Variants in MLPH observed in about 807,000 individuals in gnomAD.
MLPH encodes the protein melanophilin.
In MLPH, 51 loss-of-function variants were observed where a neutral mutation model predicts 72.1. The observed-to-expected ratio is 0.71, with a 90% CI of 0.56 to 0.89. The LOEUF is 0.89. Among genes scored for constraint, MLPH ranks in the 40% least tolerant of loss-of-function variants. The pLI is 0.00. For synonymous variants in MLPH, 301 were observed against 310.1 expected, an observed-to-expected ratio of 0.97 and a Z score of 0.31; for missense variants, 743 against 759.9, an observed-to-expected ratio of 0.98 and a Z score of 0.26.
chr2:237,553,737 C>T lies in MLPH; in HGVS notation c.*145C>T, dbSNP rs533460585. On this transcript the variant is annotated 3_prime_UTR_variant, in exon 16 of 16. Transcript: ENST00000264605. ...AAGGAGCACCCTCCACATGGACTCC[C>T]ACCTGCAAGTGGACAGCGACATTCA... The T allele has an allele frequency of 2.2e-5, 25 of 1,117,534 alleles. No homozygotes were observed. The highest frequency in any genetic ancestry group is 5.1e-5 in the Admixed American group (3 of 59,272). The allele number at this position is 1,117,534 out of a possible 1,614,324, so 69.2% of individuals were successfully genotyped here.
intron 8 of MLPH, among the ~76,000 whole-genome samples, chr2:237,531,115 C>A (rs1268470906): frequency 6.6e-6 from 1 of 152,142 alleles, no homozygotes; most frequent in Admixed American, 6.5e-5. Flanking sequence ...AGTCTTATAC[C>A]CTGGGAAACT....
intron 2 of MLPH, among the ~76,000 whole-genome samples, chr2:237,504,494 A>C (rs767399888): frequency 2.6e-5 from 4 of 152,234 alleles, no homozygotes; most frequent in Non-Finnish European, 5.9e-5. Context: ...CTGGGATTAC[A>C]GGTGTGAGCC....
chr2:237,487,491 G>T (rs775850998), intron 1 of MLPH, 54 bp downstream of exon 1: 5 of 152,956 alleles, frequency 3.3e-5, no homozygotes, highest in African/African-American at 7.2e-5. Context: ...CCAGGACTCG[G>T]GGCTTAGGCT....
chr2:237,549,073 AT>A, intron 13 of MLPH, 147 bp from the exon 14 acceptor site: 1 of 708,314 alleles, frequency 1.4e-6, no homozygotes, highest in Non-Finnish European at 2.5e-6. Flanking sequence ...CCATTCTCAT[AT>A]TGCTAAAAGT....
intron 8 of MLPH, among the ~76,000 whole-genome samples, chr2:237,528,260 A>C (rs2080345867): frequency 6.6e-6 from 1 of 152,170 alleles, no homozygotes; most frequent in African/African-American, 2.4e-5. Context: ...TAAAAGGGTA[A>C]ATTTTTATAT....
chr2:237,527,249 AG>A, intron 7 of MLPH, 127 bp from the exon 8 acceptor site: 1 of 1,175,230 alleles, frequency 8.5e-7, no homozygotes, highest in Non-Finnish European at 1.3e-6. Flanking sequence ...TTGGAACCTC[AG>A]CCCTGTAACA....
chr2:237,498,979 T>C (rs1355047528), intron 2 of MLPH, among the ~76,000 whole-genome samples: 1 of 152,122 alleles, frequency 6.6e-6, no homozygotes, highest in African/African-American at 2.4e-5. Context: ...TGGGTGTAAC[T>C]TTCCCCACAC....
At chr2:237,519,859 T>A in intron 5 of MLPH, 51 bp from the exon 6 acceptor site, 1 of 1,613,450 alleles carries the variant, frequency 6.2e-7, no homozygotes, top group African/African-American at 1.3e-5. Context: ...TTTGGTCCTC[T>A]CCCTCAAGCT....
At position 237,541,587 on chromosome 2, in the gene MLPH, G is replaced by A. The variant is rs747944933; in HGVS notation, c.1446+630G>A. On this transcript the variant is annotated intron_variant, in intron 11 of 15. Coordinates refer to ENST00000264605, the MANE Select transcript of MLPH (RefSeq NM_024101.7). This position sits in a 1 kb window ranked among gnomAD's most constrained non-coding sequence, Gnocchi z 5.1. Reference sequence around the variant, plus strand: ...GTCACTCCCTAAGGACAAAGGGCACGTCCCCTAGAGCTGTTCAAGGGGAGC... The same window carrying A: ...GTCACTCCCTAAGGACAAAGGGCACATCCCCTAGAGCTGTTCAAGGGGAGC... Among the ~76,000 whole-genome samples, 35 of 152,182 alleles carry A rather than the reference G, an allele frequency of 2.3e-4. No individual in the cohort carries two copies. The highest frequency in any genetic ancestry group is 8.0e-4 in the African/African-American group (33 of 41,456).
chr2:237,537,225 CAT>C (rs10563909), intron 9 of MLPH, among the ~76,000 whole-genome samples: 19,178 of 152,212 alleles, frequency 0.13, 1,380 homozygotes, highest in Non-Finnish European at 0.16. Flanking sequence ...CGTATGTTGT[CAT>C]GTGTTTTCCA....
intron 9 of MLPH, among the ~76,000 whole-genome samples, chr2:237,536,633 A>T (rs915059967): frequency 6.6e-6 from 1 of 152,114 alleles, no homozygotes; most frequent in African/African-American, 2.4e-5. Context: ...TCCCATATCC[A>T]GCCATCCAGC....
At chr2:237,545,956 C>T (rs1008881508) in intron 12 of MLPH, among the ~76,000 whole-genome samples, 1 of 152,166 alleles carries the variant, frequency 6.6e-6, no homozygotes, top group Non-Finnish European at 1.5e-5. Context: ...AGGACACACC[C>T]ATGACACAGC....
At chr2:237,534,227 G>C (rs374916722) in intron 8 of MLPH, among the ~76,000 whole-genome samples, 1 of 152,234 alleles carries the variant, frequency 6.6e-6, no homozygotes, top group Non-Finnish European at 1.5e-5. Flanking sequence ...TGTGCTGCTC[G>C]GTACCGGCAG....
intron 4 of MLPH, among the ~76,000 whole-genome samples, chr2:237,516,957 A>G (rs895362266): frequency 1.4e-5 from 2 of 144,008 alleles, no homozygotes; most frequent in Non-Finnish European, 3.0e-5. Context: ...GGATAGGTGG[A>G]TAGATAGGTG....
At position 237,546,725 on chromosome 2, in the gene MLPH, T is replaced by G. The variant is rs762867629; in HGVS notation, c.1617+42T>G. The G allele has an allele frequency of 2.0e-6, 3 of 1,536,360 alleles. No homozygotes were observed. In the Admixed American group the frequency reaches 5.0e-5, roughly 26 times the overall value. On this transcript the variant is annotated intron_variant, in intron 13 of 15. Coordinates refer to ENST00000264605, the MANE Select transcript of MLPH (RefSeq NM_024101.7). Reference sequence around the variant, plus strand: ...TCAAGCCCCAGACACCCGACAAAGGTGGAAGACTGCACCCCTTTCCAGCAG... The same window carrying G: ...TCAAGCCCCAGACACCCGACAAAGGGGGAAGACTGCACCCCTTTCCAGCAG...
At position 237,526,409 on chromosome 2, in the gene MLPH, C is replaced by T. The variant is rs1021318903; in HGVS notation, c.880+604C>T. Among the ~76,000 whole-genome samples the T allele has an allele frequency of 3.3e-5, 5 of 152,152 alleles. No homozygotes were observed. In the South Asian group the frequency reaches 6.2e-4, roughly 19 times the overall value. On this transcript the variant is annotated intron_variant, in intron 7 of 15. Coordinates refer to ENST00000264605, the MANE Select transcript of MLPH (RefSeq NM_024101.7). ...CCAAGCCACAGCAAGTGGCTGCGTGCGGGAAAGCTGTCTACTCTCCAGCTT... is the reference window on the plus strand; with the variant it reads ...CCAAGCCACAGCAAGTGGCTGCGTGTGGGAAAGCTGTCTACTCTCCAGCTT...
chr2:237,525,940 G>A (rs557550804), intron 7 of MLPH, 135 bp downstream of exon 7: 155 of 882,538 alleles, frequency 1.8e-4, no homozygotes, highest in Non-Finnish European at 1.9e-4. Flanking sequence ...GTGATTGTCC[G>A]GGACGTGCAG....
Position 237,540,441 on chromosome 2 carries a change from G to A in MLPH, c.1198G>A (p.Glu400Lys). The A allele has an allele frequency of 1.2e-6, 2 of 1,612,840 alleles. No individual in the cohort carries two copies. The highest frequency in any genetic ancestry group is 1.7e-6 in the Non-Finnish European group (2 of 1,179,344). ...EELTSNVSDQ[E>K]TSSEEEEAKD... Reference sequence around the variant, plus strand: ...GCTGACCAGCAACGTCAGTGACCAGGAGACCTCGTCCGAGGAGGAGGAAGC... The same window carrying A: ...GCTGACCAGCAACGTCAGTGACCAGAAGACCTCGTCCGAGGAGGAGGAAGC... Residue 400 changes from glutamate (E) to lysine (K), a missense_variant, in exon 10 of 16, where the codon GAG (glutamate) becomes AAG (lysine). Coordinates refer to ENST00000264605, the MANE Select transcript of MLPH (RefSeq NM_024101.7).
chr2:237,487,146 T>TCCGCC (rs3049924), upstream of MLPH: 15,359 of 152,204 alleles, frequency 0.1, 919 homozygotes, highest in Non-Finnish European at 0.14. Flanking sequence ...TCCGTTCCGT[T>TCCGCC]CCGCCCTCTG....
Sources: gnomAD v4.1 joint callset for allele counts (sites outside exome capture counted in the v4.1 genomes callset) on GRCh38, gnomAD v4.1.1 for gene constraint, Gnocchi (gnomAD v3.1) non-coding constraint, MANE v1.5 for transcripts, NCBI Gene and HGNC (gene_info 2026-07-23, HGNC 2026-07-21) for gene names.